The following RGS3 variants were observed in gnomAD, a reference collection of about 807,000 sequenced individuals.
RGS3 encodes regulator of G-protein signalling 3.
Under a neutral mutation model 132.6 loss-of-function variants are expected in RGS3, and 80 were observed. That is an observed-to-expected ratio of 0.60 (90% confidence interval 0.50 to 0.73). The LOEUF (loss-of-function observed/expected upper bound fraction) is 0.73, where lower values mean the gene tolerates loss of function less well. RGS3 is among the 30% of genes least tolerant of loss of function. The pLI is 0.00. For synonymous variants in RGS3, 598 were observed against 620.6 expected (o/e 0.96, Z 0.54); for missense variants, 1,382 against 1,530.8 (o/e 0.90, Z 1.62).
At chr9:113,500,052 T>A (rs1310722800) in intron 10 of RGS3, among the ~76,000 whole-genome samples, 2 of 152,194 alleles carry the variant, frequency 1.3e-5, no homozygotes, top group Non-Finnish European at 2.9e-5. Context: ...ACCGTAAGTT[T>A]GCTTCCTCCA....
At chr9:113,467,480 C>T (rs1056597137) in intron 3 of RGS3, among the ~76,000 whole-genome samples, 4 of 152,102 alleles carry the variant, frequency 2.6e-5, no homozygotes, top group Non-Finnish European at 2.9e-5. Flanking sequence ...CCTGATGACC[C>T]GTGATGTTGA....
intron 19 of RGS3, among the ~76,000 whole-genome samples, chr9:113,553,459 A>AAAAAAATATATATATATAT: frequency 1.7e-5 from 1 of 58,706 alleles, no homozygotes; most frequent in Non-Finnish European, 3.0e-5. Context: ...AAAAAAAAAA[A>AAAAAAATATATATATATAT]ATATATATAT....
chr9:113,540,032 A>G (rs1389162940), intron 19 of RGS3, among the ~76,000 whole-genome samples: 2 of 151,932 alleles, frequency 1.3e-5, no homozygotes, highest in East Asian at 3.9e-4. Flanking sequence ...GCCATCTAGT[A>G]TCCATTTTTT....
In RGS3 at chr9:113,487,144, G is replaced by A. The variant is rs903956975; in HGVS notation, c.689+1451G>A. Among the ~76,000 whole-genome samples the A allele has an allele frequency of 9.0e-5, 12 of 133,340 alleles. No individual in the cohort carries two copies. In the South Asian group the frequency reaches 9.4e-4, roughly 10 times the overall value. The allele number at this position is 133,340 out of a possible 152,430, so 87.5% of individuals were successfully genotyped here. A position where few individuals can be genotyped will look rare whatever the true frequency, so the allele number is the denominator to read the frequency against. On this transcript the variant is annotated intron_variant, in intron 7 of 24. Transcript: ENST00000350696. ...TTTTGAGACGGAGTCTCGCTCTGTC[G>A]CCCAGGCCGGACTGCGGACTGCAGT...
chr9:113,523,398 C>T (rs546088748), intron 17 of RGS3, among the ~76,000 whole-genome samples: 1 of 152,234 alleles, frequency 6.6e-6, no homozygotes, highest in African/African-American at 2.4e-5. Context: ...CTGTTTCCTC[C>T]CGTGTAAATA....
chr9:113,451,876 C>T (rs1035387033), intron 1 of RGS3, among the ~76,000 whole-genome samples: 1 of 151,802 alleles, frequency 6.6e-6, no homozygotes, highest in Non-Finnish European at 1.5e-5. Flanking sequence ...TTTCTTGTAG[C>T]GCATGTTTGC....
intron 19 of RGS3, chr9:113,583,138 A>G (rs966551298): frequency 9.9e-6 from 4 of 405,778 alleles, no homozygotes; most frequent in Admixed American, 8.7e-5. Context: ...AAGGCCACAT[A>G]AGAGAGTGGG....
chr9:113,550,251 T>A (rs1257661902), intron 19 of RGS3, among the ~76,000 whole-genome samples: 2 of 152,180 alleles, frequency 1.3e-5, no homozygotes, highest in Admixed American at 6.5e-5. Flanking sequence ...TAGTCCCAGC[T>A]ACTGGGGAGG....
At chr9:113,465,962 T>C (rs1829627383) in intron 3 of RGS3, among the ~76,000 whole-genome samples, 1 of 152,198 alleles carries the variant, frequency 6.6e-6, no homozygotes, top group South Asian at 2.1e-4. Flanking sequence ...ACTGTGATCT[T>C]CACTGATCTG....
intron 19 of RGS3, among the ~76,000 whole-genome samples, chr9:113,545,400 A>C (rs369762599): frequency 6.6e-6 from 1 of 152,180 alleles, no homozygotes. Flanking sequence ...AGGGGAATCA[A>C]ATGGATCTGA....
At chr9:113,477,040 C>T (rs1353250182) in intron 3 of RGS3, among the ~76,000 whole-genome samples, 1 of 152,290 alleles carries the variant, frequency 6.6e-6, no homozygotes, top group Non-Finnish European at 1.5e-5. Context: ...AAACCTCTCT[C>T]TCTCCCACCC....
At chr9:113,548,887 G>A (rs949326448) in intron 19 of RGS3, among the ~76,000 whole-genome samples, 1 of 152,122 alleles carries the variant, frequency 6.6e-6, no homozygotes, top group Non-Finnish European at 1.5e-5. Context: ...ATGTGGTCAG[G>A]CTTCCTGAGA....
At chr9:113,562,346 G>A (rs1202394202) in intron 19 of RGS3, among the ~76,000 whole-genome samples, 1 of 151,958 alleles carries the variant, frequency 6.6e-6, no homozygotes, top group Non-Finnish European at 1.5e-5. Flanking sequence ...GTGTGGTGGC[G>A]CACGCCTGTA....
chr9:113,482,468 C>T (rs912406788), intron 4 of RGS3, among the ~76,000 whole-genome samples: 7 of 152,214 alleles, frequency 4.6e-5, no homozygotes, highest in East Asian at 1.9e-4. Context: ...CCGTCCACCC[C>T]TGAGGCCCCA....
intron 5 of RGS3, 138 bp from the exon 4 acceptor site, chr9:113,484,000 G>C: frequency 1.9e-6 from 1 of 528,182 alleles, no homozygotes; most frequent in Non-Finnish European, 3.4e-6. Flanking sequence ...CATCTGACAG[G>C]GGACTCTATT....
intron 1 of RGS3, among the ~76,000 whole-genome samples, chr9:113,446,251 C>T (rs1273815090): frequency 6.6e-6 from 1 of 151,982 alleles, no homozygotes; most frequent in Non-Finnish European, 1.5e-5. Context: ...TTCATTTGTC[C>T]TTGTATATAT....
chr9:113,580,612 G>T (rs1834746187), intron 19 of RGS3: 1 of 182,532 alleles, frequency 5.5e-6, no homozygotes, highest in African/African-American at 2.4e-5. Flanking sequence ...TCGGGTATCT[G>T]AGCACATAAC....
At chr9:113,464,027 C>G in intron 3 of RGS3, 146 bp downstream of exon 1, 1 of 839,980 alleles carries the variant, frequency 1.2e-6, no homozygotes, top group Non-Finnish European at 1.8e-6. Flanking sequence ...TCTCCTGTGA[C>G]TGCCCAGGAG....
At chr9:113,553,048 G>A (rs1833403333) in intron 19 of RGS3, among the ~76,000 whole-genome samples, 1 of 152,054 alleles carries the variant, frequency 6.6e-6, no homozygotes, top group Non-Finnish European at 1.5e-5. Context: ...TATGTTTGAT[G>A]TGGTTCCTCC....
Sources: gnomAD v4.1 joint callset for allele counts (sites outside exome capture counted in the v4.1 genomes callset) on GRCh38, gnomAD v4.1.1 for gene constraint, MANE v1.5 for transcripts, NCBI Gene and HGNC (gene_info 2026-07-23, HGNC 2026-07-21) for gene names.